The following DCC variants were observed in gnomAD, a reference collection of about 807,000 sequenced individuals.
DCC encodes DCC netrin 1 receptor, also known as netrin receptor DCC.
Under a neutral mutation model 172.5 loss-of-function variants are expected in DCC, and 58 were observed. That is an observed-to-expected ratio of 0.34 (90% CI 0.27 to 0.42). The LOEUF is 0.42. Among genes scored for constraint, DCC ranks in the 10% least tolerant of loss-of-function variants. DCC has a pLI of 1.00. For missense variants in DCC, 1,740 were observed against 1,791.0 expected (o/e 0.97, Z 0.51); for synonymous variants, 709 against 644.5 (o/e 1.10, Z -1.52).
chr18:53,263,459 T>C (rs1342464152), intron 12 of DCC, among the ~76,000 whole-genome samples: 1 of 152,214 alleles, frequency 6.6e-6, no homozygotes, highest in Non-Finnish European at 1.5e-5. Context: ...GCCTGAAGTG[T>C]GTAATTTTAA....
intron 14 of DCC, 21 bp from the exon 15 acceptor site, chr18:53,339,692 A>T (rs183367070): frequency 5.6e-6 from 9 of 1,602,808 alleles, no homozygotes; most frequent in Non-Finnish European, 7.7e-6. Flanking sequence ...CATGCTGATG[A>T]TGCCTCTTTT....
chr18:53,139,836 A>C (rs1373208871), intron 7 of DCC, among the ~76,000 whole-genome samples: 2 of 152,108 alleles, frequency 1.3e-5, no homozygotes, highest in Non-Finnish European at 2.9e-5. Context: ...GAAACGCATC[A>C]CATAAGGCCT....
intron 2 of DCC, among the ~76,000 whole-genome samples, chr18:52,851,432 T>G (rs2038973942): frequency 6.6e-6 from 1 of 152,094 alleles, no homozygotes; most frequent in African/African-American, 2.4e-5. Flanking sequence ...AGGCATCACA[T>G]GAAAACTGCA....
At chr18:52,426,415 C>T (rs186606095) in intron 1 of DCC, among the ~76,000 whole-genome samples, 54 of 151,242 alleles carry the variant, frequency 3.6e-4, no homozygotes, top group African/African-American at 9.2e-4. Flanking sequence ...CATACGTGGT[C>T]GTGGTGTAAG....
intron 2 of DCC, among the ~76,000 whole-genome samples, chr18:52,897,212 A>G (rs1210492852): frequency 6.6e-6 from 1 of 152,196 alleles, no homozygotes; most frequent in Non-Finnish European, 1.5e-5. Context: ...CCAACACTAC[A>G]GAGGATGTTA....
intron 1 of DCC, among the ~76,000 whole-genome samples, chr18:52,630,636 T>A (rs1343436037): frequency 6.6e-6 from 1 of 152,198 alleles, no homozygotes; most frequent in East Asian, 1.9e-4. Context: ...GACAGACCTT[T>A]ATGACGGTGA....
chr18:52,569,603 A>G (rs2033246084), intron 1 of DCC, among the ~76,000 whole-genome samples: 1 of 152,164 alleles, frequency 6.6e-6, no homozygotes, highest in African/African-American at 2.4e-5. Flanking sequence ...TTAACTTCAC[A>G]GGCAATATGG....
At chr18:53,202,053 C>T (rs909732370) in intron 9 of DCC, among the ~76,000 whole-genome samples, 6 of 152,220 alleles carry the variant, frequency 3.9e-5, no homozygotes, top group Admixed American at 6.5e-5. Context: ...TGTATGCATG[C>T]ACACATGTTT....
rs142666848 is a variant in DCC, at chr18:53,017,603, G to A, written c.986-45702G>A. ...TGGGATTTATATTCATGATATTCAAGGGTTATTCTTAGGAACAATGGTCCA... is the reference window on the plus strand; with the variant it reads ...TGGGATTTATATTCATGATATTCAAAGGTTATTCTTAGGAACAATGGTCCA... On this transcript the variant is annotated intron_variant, in intron 5 of 28. Coordinates refer to ENST00000442544, the MANE Select transcript of DCC (RefSeq NM_005215.4). 3.0e-4 allele frequency among the ~76,000 whole-genome samples: 46 copies of A among 152,186 alleles called. No homozygotes were observed. In the East Asian group the frequency reaches 7.7e-3, roughly 26 times the overall value.
chr18:53,424,933 C>T (rs1286666079), intron 21 of DCC, among the ~76,000 whole-genome samples: 1 of 152,050 alleles, frequency 6.6e-6, no homozygotes, highest in East Asian at 1.9e-4. Flanking sequence ...CCAGTGAAGG[C>T]CTGCCTGCTC....
chr18:53,076,844 G>T (rs1356008855), intron 7 of DCC, among the ~76,000 whole-genome samples: 1 of 152,182 alleles, frequency 6.6e-6, no homozygotes, highest in Non-Finnish European at 1.5e-5. Context: ...GTTGCTAGGA[G>T]ATTGGGCATA....
intron 12 of DCC, among the ~76,000 whole-genome samples, chr18:53,263,036 T>C (rs73463032): frequency 0.058 from 8,755 of 152,132 alleles, 804 homozygotes; most frequent in African/African-American, 0.19. Context: ...GATTTGGGGG[T>C]ATGGGGAACA....
At chr18:52,930,302 G>C (rs2040288558) in intron 5 of DCC, among the ~76,000 whole-genome samples, 1 of 151,952 alleles carries the variant, frequency 6.6e-6, no homozygotes, top group African/African-American at 2.4e-5. Context: ...ATGTTTCTTA[G>C]TTTTAATTAA....
chr18:53,450,636 C>G lies in DCC; in HGVS notation c.3366C>G (p.Thr1122=). Reference sequence around the variant, plus strand: ...TGGTCATCGTGGCTGTGATTTGCACCCGACGCTCTTCAGCCCAGCAGAGAA... The same window carrying G: ...TGGTCATCGTGGCTGTGATTTGCACGCGACGCTCTTCAGCCCAGCAGAGAA... ...LVVVIVAVIC[T]RRSSAQQRKK... Residue 1122 remains threonine, a synonymous_variant, in exon 23 of 29, where the codon ACC becomes ACG. Coordinates refer to ENST00000442544, the MANE Select transcript of DCC (RefSeq NM_005215.4). The G allele has an allele frequency of 6.2e-7, 1 of 1,610,114 alleles. No individual in the cohort carries two copies.
chr18:52,754,129 T>A (rs1330856434), intron 2 of DCC: 3 of 152,146 alleles, frequency 2.0e-5, no homozygotes, highest in African/African-American at 4.8e-5. Context: ...AATAACTCAT[T>A]TTCATCAATA....
chr18:53,506,682 A>AC (rs200595400), intron 27 of DCC, among the ~76,000 whole-genome samples: 2,326 of 152,076 alleles, frequency 0.015, 73 homozygotes, highest in African/African-American at 0.054. Context: ...ACACAGTGAA[A>AC]CCCCATCTCT....
intron 5 of DCC, among the ~76,000 whole-genome samples, chr18:53,059,449 T>C (rs1316370714): frequency 6.6e-6 from 1 of 152,114 alleles, no homozygotes; most frequent in Non-Finnish European, 1.5e-5. Context: ...AGTAATTTGG[T>C]CATGTATTAT....
chr18:53,391,552 A>G lies in DCC; in HGVS notation c.2456-103A>G, dbSNP rs778802229. 3.6e-4 allele frequency: 275 copies of G among 765,354 alleles called. 1 individual carries two copies. Among genetic ancestry groups the G allele is most frequent in the Non-Finnish European group, 6.3e-4 (266 of 423,534 alleles). 47.4% of individuals were successfully genotyped at this position (765,354 alleles called of 1,614,324 possible). A position where few individuals can be genotyped will look rare whatever the true frequency, so the allele number is the denominator to read the frequency against. ...CATGTTCCCTTTCATCATTATTGCC[A>G]TGCATTTAACTCATTGTGATGTGTT... On this transcript the variant is annotated intron_variant, in intron 16 of 28. Coordinates refer to ENST00000442544, the MANE Select transcript of DCC (RefSeq NM_005215.4).
At chr18:52,355,207 TA>T (rs71871623) in intron 1 of DCC, among the ~76,000 whole-genome samples, 25,644 of 145,742 alleles carry the variant, frequency 0.18, 2,469 homozygotes, top group East Asian at 0.32. Flanking sequence ...TGATGGAGAT[TA>T]AAAAAAAAAA....
Sources: gnomAD v4.1 joint callset for allele counts (sites outside exome capture counted in the v4.1 genomes callset) on GRCh38, gnomAD v4.1.1 for gene constraint, MANE v1.5 for transcripts, NCBI Gene and HGNC (gene_info 2026-07-23, HGNC 2026-07-21) for gene names.